The following MRPL13 variants were observed in gnomAD, a reference collection of about 807,000 sequenced individuals.
The protein encoded by MRPL13 is large ribosomal subunit protein uL13m.
Under a neutral mutation model 29.0 loss-of-function variants are expected in MRPL13, and 33 were observed. The observed-to-expected ratio is 1.14, with a 90% CI of 0.86 to 1.52. MRPL13 has a LOEUF of 1.52. Ranked by LOEUF, MRPL13 falls within the 40% of genes most tolerant of loss-of-function variation. The pLI is 0.00. For missense variants in MRPL13, 227 were observed against 216.7 expected, an observed-to-expected ratio of 1.05 and a Z score of -0.30; for synonymous variants, 77 against 68.4, an observed-to-expected ratio of 1.13 and a Z score of -0.62.
chr8:120,435,219 T>A (rs1353856301), intron 2 of MRPL13, among the ~76,000 whole-genome samples: 2 of 152,196 alleles, frequency 1.3e-5, no homozygotes, highest in Non-Finnish European at 2.9e-5. Context: ...TCTATTTTTT[T>A]AAACTTTTAT....
intron 2 of MRPL13, among the ~76,000 whole-genome samples, chr8:120,441,516 A>T (rs1277147470): frequency 6.6e-6 from 1 of 152,200 alleles, no homozygotes; most frequent in Non-Finnish European, 1.5e-5. Flanking sequence ...CCAGGGAAAC[A>T]AGTGAAGAAT....
chr8:120,405,260 T>C (rs890897044), intron 6 of MRPL13, among the ~76,000 whole-genome samples: 1 of 152,182 alleles, frequency 6.6e-6, no homozygotes, highest in Non-Finnish European at 1.5e-5. Flanking sequence ...CAAACAGAAA[T>C]GAAAACAAGC....
intron 5 of MRPL13, among the ~76,000 whole-genome samples, chr8:120,417,452 A>C (rs1022540249): frequency 6.6e-6 from 1 of 152,204 alleles, no homozygotes; most frequent in Non-Finnish European, 1.5e-5. Flanking sequence ...TTTCTAGTTC[A>C]GTATTCCTTC....
At chr8:120,405,748 C>T (rs1167706187) in intron 6 of MRPL13, among the ~76,000 whole-genome samples, 1 of 152,072 alleles carries the variant, frequency 6.6e-6, no homozygotes, top group Non-Finnish European at 1.5e-5. Context: ...AGTTGGTAAC[C>T]CATATATGGT....
intron 6 of MRPL13, among the ~76,000 whole-genome samples, chr8:120,397,414 C>T (rs1219324869): frequency 6.6e-6 from 1 of 152,188 alleles, no homozygotes; most frequent in Non-Finnish European, 1.5e-5. Context: ...TTAAGCCTCA[C>T]TGGATTGGAA....
intron 1 of MRPL13, 190 bp downstream of exon 1, chr8:120,444,878 G>A (rs998204589): frequency 1.6e-6 from 1 of 635,158 alleles, no homozygotes; most frequent in Non-Finnish European, 2.8e-6. Flanking sequence ...AAAGAAGAGG[G>A]GACGAGTAAC....
intron 6 of MRPL13, among the ~76,000 whole-genome samples, chr8:120,403,461 G>C (rs900970846): frequency 3.9e-5 from 6 of 151,982 alleles, no homozygotes; most frequent in South Asian, 4.2e-4. Flanking sequence ...CATGGGGTTG[G>C]GGGGAACAAC....
intron 2 of MRPL13, among the ~76,000 whole-genome samples, chr8:120,435,002 T>C (rs1415498827): frequency 6.6e-6 from 1 of 152,178 alleles, no homozygotes; most frequent in Non-Finnish European, 1.5e-5. Flanking sequence ...CATTTTTAAC[T>C]ATGTTTGAGA....
At chr8:120,437,829 GATC>G (rs1292789132) in intron 2 of MRPL13, among the ~76,000 whole-genome samples, 2 of 152,004 alleles carry the variant, frequency 1.3e-5, no homozygotes, top group Admixed American at 1.3e-4. Flanking sequence ...GTAGAACAAT[GATC>G]ATCATTTGTA....
chr8:120,422,233 T>C (rs1262581765), intron 4 of MRPL13, among the ~76,000 whole-genome samples: 1 of 151,816 alleles, frequency 6.6e-6, no homozygotes, highest in East Asian at 1.9e-4. Flanking sequence ...TATTTATTTT[T>C]ATTATTTTAG....
chr8:120,433,444 T>C (rs1453733439), intron 2 of MRPL13, among the ~76,000 whole-genome samples: 3 of 152,128 alleles, frequency 2.0e-5, no homozygotes, highest in Non-Finnish European at 4.4e-5. Flanking sequence ...AAAAATGGAA[T>C]CTTTAAACTT....
chr8:120,399,582 A>G (rs1283972117), intron 6 of MRPL13, among the ~76,000 whole-genome samples: 1 of 152,242 alleles, frequency 6.6e-6, no homozygotes, highest in Non-Finnish European at 1.5e-5. Flanking sequence ...AAGCAACCAC[A>G]TAAACAAGTC....
intron 2 of MRPL13, among the ~76,000 whole-genome samples, chr8:120,440,860 C>G (rs1258388493): frequency 2.0e-5 from 3 of 151,782 alleles, no homozygotes; most frequent in African/African-American, 7.3e-5. Flanking sequence ...TACGTGGAGG[C>G]AATGGCAGAA....
At chr8:120,427,954 A>G (rs1812949884) in intron 3 of MRPL13, among the ~76,000 whole-genome samples, 1 of 151,990 alleles carries the variant, frequency 6.6e-6, no homozygotes, top group African/African-American at 2.4e-5. Context: ...TTAAACTACC[A>G]CTGAGACTCT....
At chr8:120,443,347 A>T (rs576063643) in intron 1 of MRPL13, 39 bp from the exon 2 acceptor site, 390 of 1,467,358 alleles carry the variant, frequency 2.7e-4, no homozygotes, top group Non-Finnish European at 2.9e-4. Flanking sequence ...AGGAAAAAAT[A>T]AAGATAATTA....
At chr8:120,427,884 T>C (rs1812948717) in intron 3 of MRPL13, among the ~76,000 whole-genome samples, 1 of 151,718 alleles carries the variant, frequency 6.6e-6, no homozygotes, top group African/African-American at 2.4e-5. Context: ...ATAGGAAGAA[T>C]CAGTATTGTT....
intron 6 of MRPL13, among the ~76,000 whole-genome samples, chr8:120,401,158 A>G (rs918620015): frequency 1.3e-5 from 2 of 152,196 alleles, no homozygotes; most frequent in Non-Finnish European, 2.9e-5. Context: ...TTATGAGGCC[A>G]GCATAATCCT....
chr8:120,424,376 G>A (rs1379692559), intron 4 of MRPL13, among the ~76,000 whole-genome samples: 1 of 152,172 alleles, frequency 6.6e-6, no homozygotes, highest in Non-Finnish European at 1.5e-5. Context: ...AGTCCCAGGT[G>A]TTTGGGAGGC....
chr8:120,427,941 C>T lies in MRPL13; in HGVS notation c.246-2575G>A, dbSNP rs546283459. The stretch of plus-strand genomic sequence containing the variant: ...GCAATTTATAGATTCAATGCTATTC[C>T]TATTAAACTACCACTGAGACTCTTC... On this transcript the variant is annotated intron_variant, in intron 3 of 6. Transcript: ENST00000306185. Among the ~76,000 whole-genome samples the T allele has an allele frequency of 2.6e-5, 4 of 151,994 alleles. No individual in the cohort carries two copies. In the South Asian group the frequency reaches 6.2e-4, roughly 24 times the overall value.
Sources: gnomAD v4.1 joint callset for allele counts (sites outside exome capture counted in the v4.1 genomes callset) on GRCh38, gnomAD v4.1.1 for gene constraint, MANE v1.5 for transcripts, NCBI Gene and HGNC (gene_info 2026-07-23, HGNC 2026-07-21) for gene names.